The following GNG2 variants were observed in gnomAD, a reference collection of about 807,000 sequenced individuals.
GNG2 encodes guanine nucleotide-binding protein G(I)/G(S)/G(O) subunit gamma-2.
In GNG2, 5 loss-of-function variants were observed where a neutral mutation model predicts 5.5. The ratio of observed to expected loss-of-function variants is 0.91; its 90% CI spans 0.48 to 1.92. GNG2 has a LOEUF of 1.92. Ranked by LOEUF, GNG2 falls within the 30% of genes most tolerant of loss-of-function variation. The pLI, the probability that GNG2 is intolerant of heterozygous loss-of-function variation, is 0.01. For synonymous variants in GNG2, 28 were observed against 32.0 expected (o/e 0.88, Z 0.42); for missense variants, 55 against 88.4 (o/e 0.62, Z 1.52).
chr14:51,841,014 A>G (rs990955674), intron 2 of GNG2, among the ~76,000 whole-genome samples: 6 of 152,220 alleles, frequency 3.9e-5, no homozygotes, highest in African/African-American at 1.4e-4. Flanking sequence ...AGTCACAATC[A>G]TACCAGGAGG....
At chr14:51,917,899 G>A (rs572055498) in intron 2 of GNG2, among the ~76,000 whole-genome samples, 10 of 152,072 alleles carry the variant, frequency 6.6e-5, no homozygotes, top group African/African-American at 9.6e-5. Context: ...GGTGGCGGGC[G>A]CCTGTAGTCC....
chr14:51,862,825 T>C (rs1036577221), intron 1 of GNG2, among the ~76,000 whole-genome samples: 1 of 152,234 alleles, frequency 6.6e-6, no homozygotes. Context: ...GTAACTATGA[T>C]GGTAGAATGT....
intron 3 of GNG2, among the ~76,000 whole-genome samples, chr14:51,963,387 C>T (rs1253660): frequency 0.93 from 140,875 of 152,246 alleles, 65,675 homozygotes; most frequent in Non-Finnish European, 0.98. Flanking sequence ...GCTGCTTCTC[C>T]TCGTAACAAA....
chr14:51,853,562 C>T (rs1165943082), intron 2 of GNG2, among the ~76,000 whole-genome samples: 1 of 152,210 alleles, frequency 6.6e-6, no homozygotes, highest in Non-Finnish European at 1.5e-5. Context: ...AATTTCCTAT[C>T]CTCTTTTGCC....
At chr14:51,882,235 G>T (rs1009345830) in intron 2 of GNG2, among the ~76,000 whole-genome samples, 1 of 152,098 alleles carries the variant, frequency 6.6e-6, no homozygotes, top group Non-Finnish European at 1.5e-5. Flanking sequence ...CCATTGAATT[G>T]TACACTTTAC....
intron 2 of GNG2, among the ~76,000 whole-genome samples, chr14:51,884,115 G>A (rs773029169): frequency 2.6e-5 from 4 of 152,088 alleles, no homozygotes; most frequent in African/African-American, 4.8e-5. Context: ...TATCAAAAAG[G>A]TGAATATAAG....
chr14:51,955,445 A>G (rs1889220990), intron 3 of GNG2, among the ~76,000 whole-genome samples: 1 of 152,104 alleles, frequency 6.6e-6, no homozygotes, highest in African/African-American at 2.4e-5. Context: ...AAATTTTTCC[A>G]CCTAGACTAC....
chr14:51,927,056 A>C (rs543769524), intron 2 of GNG2, among the ~76,000 whole-genome samples: 1 of 152,224 alleles, frequency 6.6e-6, no homozygotes, highest in African/African-American at 2.4e-5. Context: ...ACACTTCTTT[A>C]CTCTGATCCC....
intron 2 of GNG2, among the ~76,000 whole-genome samples, chr14:51,927,346 C>T (rs1008798642): frequency 2.6e-5 from 4 of 152,184 alleles, no homozygotes; most frequent in African/African-American, 9.7e-5. Context: ...GATCGAAAAT[C>T]AATTTATATC....
At chr14:51,960,124 A>G (rs1222764136) in intron 3 of GNG2, among the ~76,000 whole-genome samples, 2 of 151,190 alleles carry the variant, frequency 1.3e-5, no homozygotes, top group African/African-American at 4.9e-5. Context: ...CTCCAATTAT[A>G]TGTGTATTAA....
chr14:51,883,455 G>A (rs556441230), intron 2 of GNG2, among the ~76,000 whole-genome samples: 1 of 152,154 alleles, frequency 6.6e-6, no homozygotes, highest in African/African-American at 2.4e-5. Flanking sequence ...CTGTAAAATG[G>A]TATGCTTCCT....
At chr14:51,843,371 G>C (rs1881536370) in intron 2 of GNG2, among the ~76,000 whole-genome samples, 1 of 151,886 alleles carries the variant, frequency 6.6e-6, no homozygotes, top group African/African-American at 2.4e-5. Flanking sequence ...CCCTCATATA[G>C]AACAATGAGA....
At chr14:51,965,266 G>A (rs981077342) in intron 3 of GNG2, among the ~76,000 whole-genome samples, 88 of 152,270 alleles carry the variant, frequency 5.8e-4, no homozygotes, top group African/African-American at 1.9e-3. Flanking sequence ...CCTTTCAGTA[G>A]TTGCTTTGAT....
intron 2 of GNG2, among the ~76,000 whole-genome samples, chr14:51,886,925 C>T (rs542791517): frequency 1.6e-4 from 25 of 152,320 alleles, no homozygotes; most frequent in African/African-American, 6.0e-4. Flanking sequence ...GGAAGATATA[C>T]AGCACAGTTA....
At chr14:51,935,187 G>A (rs1030647359) in intron 2 of GNG2, among the ~76,000 whole-genome samples, 4 of 151,986 alleles carry the variant, frequency 2.6e-5, no homozygotes, top group South Asian at 2.1e-4. Context: ...ACCACGCCCC[G>A]CTAATTTTTT....
chr14:51,903,359 C>G (rs78712444), intron 2 of GNG2, among the ~76,000 whole-genome samples: 1,865 of 152,294 alleles, frequency 0.012, 14 homozygotes, highest in Non-Finnish European at 0.018. Context: ...TCCAAGCAAC[C>G]TAACCCCATA....
intron 1 of GNG2, among the ~76,000 whole-genome samples, chr14:51,826,906 G>A (rs1881044061): frequency 6.6e-6 from 1 of 152,204 alleles, no homozygotes; most frequent in South Asian, 2.1e-4. Context: ...TGGCTATGAG[G>A]TTTTCTCCAG....
chr14:51,882,692 C>T (rs17124713), intron 2 of GNG2, among the ~76,000 whole-genome samples: 1,821 of 152,248 alleles, frequency 0.012, 35 homozygotes, highest in African/African-American at 0.042. Flanking sequence ...GAATTTGCAT[C>T]AGCTAGGTTG....
In GNG2 at chr14:51,885,786, G is replaced by A. The variant is rs1485353822; in HGVS notation, c.-30+8129G>A. On this transcript the variant is annotated intron_variant, in intron 2 of 3. Transcript: ENST00000556766. ...CAGCTATTTTAGATACACTTCATGGGAATGATATAGTTGAGGTGATTCTGG... is the reference window on the plus strand; with the variant it reads ...CAGCTATTTTAGATACACTTCATGGAAATGATATAGTTGAGGTGATTCTGG... 2.0e-5 allele frequency among the ~76,000 whole-genome samples: 3 copies of A among 152,208 alleles called. No homozygotes were observed. The South Asian group carries it at 6.2e-4, about 32-fold the overall frequency.
Sources: allele counts gnomAD v4.1 joint callset (sites outside exome capture counted in the v4.1 genomes callset), GRCh38; gene constraint gnomAD v4.1.1; transcripts MANE v1.5; gene names NCBI Gene and HGNC (gene_info 2026-07-23, HGNC 2026-07-21).